SMC2: variants seen among roughly 807,000 people sequenced by gnomAD.
SMC2 encodes structural maintenance of chromosomes 2.
Under a neutral mutation model 142.6 loss-of-function variants are expected in SMC2, and 41 were observed. That is an observed-to-expected ratio of 0.29 (90% CI 0.22 to 0.37). SMC2 has a LOEUF of 0.37. Among genes scored for constraint, SMC2 ranks in the 10% least tolerant of loss-of-function variants. The probability of loss-of-function intolerance (pLI) is 1.00; values close to 1 mark genes in which losing one functional copy is unlikely to be tolerated. For missense variants in SMC2, 1,265 were observed against 1,373.7 expected (o/e 0.92, Z 1.25); for synonymous variants, 463 against 457.5 (o/e 1.01, Z -0.15).
chr9:104,136,377 C>T (rs1410276663), intron 23 of SMC2, among the ~76,000 whole-genome samples: 1 of 151,862 alleles, frequency 6.6e-6, no homozygotes, highest in African/African-American at 2.4e-5. Context: ...AATACAGCTC[C>T]TGCTGCCTGT....
chr9:104,100,781 A>G (rs7027739), intron 7 of SMC2, among the ~76,000 whole-genome samples: 56,204 of 152,046 alleles, frequency 0.37, 10,748 homozygotes, highest in Middle Eastern at 0.43. Context: ...ATTGAGAACA[A>G]TTTCCAGGAT....
intron 9 of SMC2, among the ~76,000 whole-genome samples, chr9:104,110,401 T>A (rs7020317): frequency 0.37 from 56,172 of 152,078 alleles, 10,752 homozygotes; most frequent in Middle Eastern, 0.43. Flanking sequence ...ATGCTTTTAA[T>A]ATCTTTTTTC....
At chr9:104,127,639 A>G (rs989918504) in intron 20 of SMC2, among the ~76,000 whole-genome samples, 159 bp downstream of exon 20, 2 of 152,204 alleles carry the variant, frequency 1.3e-5, no homozygotes, top group African/African-American at 4.8e-5. Flanking sequence ...CTTTTCAACA[A>G]TGCTAATTTT....
chr9:104,090,689 G>A (rs887007096), upstream of SMC2, among the ~76,000 whole-genome samples: 8 of 152,128 alleles, frequency 5.3e-5, no homozygotes, highest in African/African-American at 1.7e-4. Context: ...ATTGTCTAAA[G>A]GGACTCTTTT....
chr9:104,105,985 CAT>C (rs1798360061), intron 9 of SMC2, among the ~76,000 whole-genome samples: 1 of 152,192 alleles, frequency 6.6e-6, no homozygotes, highest in African/African-American at 2.4e-5. Context: ...CCCAAGCTAT[CAT>C]AGGGATTGGG....
At chr9:104,098,939 A>C (rs1830800854) in intron 4 of SMC2, among the ~76,000 whole-genome samples, 2 of 152,096 alleles carry the variant, frequency 1.3e-5, no homozygotes, top group Non-Finnish European at 2.9e-5. Context: ...GACTCACACA[A>C]ATGAGGAGTA....
At chr9:104,110,979 TA>T (rs1832374569) in intron 9 of SMC2, among the ~76,000 whole-genome samples, 1 of 152,220 alleles carries the variant, frequency 6.6e-6, no homozygotes, top group African/African-American at 2.4e-5. Flanking sequence ...AGTAAGCACT[TA>T]ATAAATATTT....
chr9:104,134,005 T>G (rs930986758), intron 22 of SMC2, among the ~76,000 whole-genome samples: 13 of 152,232 alleles, frequency 8.5e-5, no homozygotes, highest in African/African-American at 2.9e-4. Flanking sequence ...TATTTTGTGT[T>G]TTTTTTCCTC....
chr9:104,106,936 GT>G (rs1310468165), intron 9 of SMC2, among the ~76,000 whole-genome samples: 1 of 152,140 alleles, frequency 6.6e-6, no homozygotes, highest in African/African-American at 2.4e-5. Flanking sequence ...GATCCCTCCT[GT>G]TTTGTTTGAT....
At chr9:104,090,465 T>C (rs926203641), upstream of SMC2, among the ~76,000 whole-genome samples, 5 of 152,058 alleles carry the variant, frequency 3.3e-5, no homozygotes, top group Admixed American at 6.5e-5. Context: ...ATCTACTAGT[T>C]TGGGGAAGCG....
chr9:104,101,889 T>C (rs1011120613), intron 7 of SMC2, 71 bp from the exon 8 acceptor site: 6 of 914,104 alleles, frequency 6.6e-6, no homozygotes, highest in Non-Finnish European at 1.0e-5. Context: ...GAAATTTGTT[T>C]CATCTTGCAT....
chr9:104,113,418 G>T lies in SMC2; in HGVS notation c.1357G>T (p.Ala453Ser). 1.2e-6 allele frequency: 2 copies of T among 1,608,798 alleles called. No homozygotes were observed. The highest frequency in any genetic ancestry group is 1.7e-6 in the Non-Finnish European group (2 of 1,177,952). ...GYRKDQEALE[A>S]VKRLKEKLEA... ...CAGGAAGGATCAAGAAGCTCTAGAA[G>T]CTGTAAAAAGACTTAAAGAAAAACT... The change falls in exon 11 of 25, where the codon GCT (alanine) becomes TCT (serine). Residue 453 changes from alanine to serine, a missense_variant. Ala to Ser is a moderately conservative substitution (Grantham distance 99). Coordinates refer to ENST00000374793, the MANE Select transcript of SMC2 (RefSeq NM_006444.3).
rs763421312 is a variant in SMC2 at position 104,120,206 on chromosome 9, A to T, written c.2132+44A>T. On this transcript the variant is annotated intron_variant, in intron 16 of 24. Transcript: ENST00000374793. Reference sequence around the variant, plus strand: ...TTTTTTAATTAAAGATTTGCATAGTAGAAAATGATAGAAAATTTACTTTTA... The same window carrying T: ...TTTTTTAATTAAAGATTTGCATAGTTGAAAATGATAGAAAATTTACTTTTA... 13 of 1,459,610 alleles carry T rather than the reference A, an allele frequency of 8.9e-6. No homozygotes were observed. In the South Asian group the frequency reaches 1.7e-4, roughly 19 times the overall value. 90.4% of individuals were successfully genotyped at this position (1,459,610 alleles called of 1,614,324 possible). A position where few individuals can be genotyped will look rare whatever the true frequency, so the allele number is the denominator to read the frequency against.
At position 104,138,006 on chromosome 9, in the gene SMC2, A is replaced by G. The variant is rs1380176167; in HGVS notation, c.3270-12A>G. On this transcript the variant is annotated splice_polypyrimidine_tract_variant and intron_variant, in intron 23 of 24. Transcript: ENST00000374793. Reference sequence around the variant, plus strand: ...TCAAATTTTTATGGCTTTTCTTCTGACCTTTTCTTAGGTCTTTAGTGGCCT... The same window carrying G: ...TCAAATTTTTATGGCTTTTCTTCTGGCCTTTTCTTAGGTCTTTAGTGGCCT... 9 of 1,539,734 alleles carry G rather than the reference A, an allele frequency of 5.8e-6. No homozygotes were observed. The East Asian group carries it at 2.1e-4, about 35-fold the overall frequency.
At chr9:104,097,590 T>C (rs1305090062) in intron 3 of SMC2, among the ~76,000 whole-genome samples, 2 of 151,648 alleles carry the variant, frequency 1.3e-5, no homozygotes, top group Non-Finnish European at 2.9e-5. Flanking sequence ...CAAATATTTA[T>C]CCTTTAGGAA....
At chr9:104,119,541 C>T (rs966481795) in intron 15 of SMC2, among the ~76,000 whole-genome samples, 2 of 152,226 alleles carry the variant, frequency 1.3e-5, no homozygotes, top group Admixed American at 6.5e-5. Flanking sequence ...GTTTATGCTA[C>T]ATCTGCTGCA....
At chr9:104,111,527 A>G (rs1181754766) in intron 9 of SMC2, 54 bp from the exon 10 acceptor site, 8 of 1,134,358 alleles carry the variant, frequency 7.1e-6, no homozygotes, top group Admixed American at 1.9e-5. Flanking sequence ...CGTATAAGAA[A>G]GTGGGTGTTT....
In SMC2 at chr9:104,140,769, G is replaced by A. The variant is rs1317731602; in HGVS notation, c.*1454G>A. The A allele has an allele frequency of 6.6e-6, 1 of 152,492 alleles. No homozygotes were observed. The highest frequency in any genetic ancestry group is 1.5e-5 in the Non-Finnish European group (1 of 67,986). The allele number at this position is 152,492 out of a possible 1,614,324, so 9.4% of individuals were successfully genotyped here. A position where few individuals can be genotyped will look rare whatever the true frequency, so the allele number is the denominator to read the frequency against. On this transcript the variant is annotated 3_prime_UTR_variant, in exon 25 of 25. Transcript: ENST00000374793. ...ATGTATTACAGACTGTGCCAAAACA[G>A]TTACCAATTCACACTGTCAATATTA...
intron 17 of SMC2, among the ~76,000 whole-genome samples, chr9:104,123,532 G>A (rs749420123): frequency 2.0e-5 from 3 of 152,158 alleles, no homozygotes; most frequent in Non-Finnish European, 4.4e-5. Context: ...TGAAAAGATA[G>A]CATGCATTAG....
Sources: allele counts gnomAD v4.1 joint callset (sites outside exome capture counted in the v4.1 genomes callset), GRCh38; gene constraint gnomAD v4.1.1; transcripts MANE v1.5; gene names NCBI Gene and HGNC (gene_info 2026-07-23, HGNC 2026-07-21).